The following GFM2 variants were observed in gnomAD, a reference collection of about 807,000 sequenced individuals.
GFM2 encodes the protein GTP dependent ribosome recycling factor mitochondrial 2.
A neutral mutation model predicts 95.4 loss-of-function variants in GFM2; 72 were observed. That is an observed-to-expected ratio of 0.76 (90% CI 0.62 to 0.92). GFM2 has a LOEUF of 0.92. GFM2 is among the 40% of genes least tolerant of loss of function. GFM2 has a pLI of 0.00. For missense variants in GFM2, 825 were observed against 924.1 expected (o/e 0.89, Z 1.39); for synonymous variants, 276 against 317.5 (o/e 0.87, Z 1.39).
chr5:74,748,357 C>T (rs960074762), intron 7 of GFM2, among the ~76,000 whole-genome samples: 1 of 152,106 alleles, frequency 6.6e-6, no homozygotes, highest in Non-Finnish European at 1.5e-5. Flanking sequence ...GTAACTACTA[C>T]CCCACTTAGA....
At position 74,722,545 on chromosome 5, in the gene GFM2, T is replaced by C. The variant is rs770719415; in HGVS notation, c.2045A>G (p.Asp682Gly). 6.2e-7 allele frequency: 1 copy of C among 1,611,770 alleles called. No individual in the cohort carries two copies. Among genetic ancestry groups the C allele is most frequent in the South Asian group, 1.1e-5 (1 of 90,486 alleles). Residue 682 changes from aspartate to glycine, a missense_variant, in exon 20 of 21, where the codon GAT becomes GGT. Coordinates refer to ENST00000296805, the MANE Select transcript of GFM2 (RefSeq NM_032380.5). ...RCVQKALKKA[D>G]KQVLEPLMNL... ...CATCAGAGGCTCCAAAACTTGCTTA[T>C]CAGCTTTCTTCAGAGCCTAAAGAAA...
At chr5:74,744,525 T>A (rs928231341) in intron 10 of GFM2, among the ~76,000 whole-genome samples, 5 of 152,164 alleles carry the variant, frequency 3.3e-5, no homozygotes, top group African/African-American at 1.2e-4. Context: ...TTTATTGCCA[T>A]ATATACTAAC....
In GFM2 at chr5:74,722,564, A is replaced by G; in HGVS notation, c.2029-3T>C. ...TGCTTATCAGCTTTCTTCAGAGCCTAAAGAAATTAAAGAATGTTAACTTAT... is the reference window on the plus strand; with the variant it reads ...TGCTTATCAGCTTTCTTCAGAGCCTGAAGAAATTAAAGAATGTTAACTTAT... On this transcript the variant is annotated splice_region_variant and splice_polypyrimidine_tract_variant and intron_variant, in intron 19 of 20. Coordinates refer to ENST00000296805, the MANE Select transcript of GFM2 (RefSeq NM_032380.5). The G allele has an allele frequency of 4.4e-6, 7 of 1,599,812 alleles. No individual in the cohort carries two copies. The highest frequency in any genetic ancestry group is 6.0e-6 in the Non-Finnish European group (7 of 1,174,060).
intron 17 of GFM2, among the ~76,000 whole-genome samples, chr5:74,728,587 A>G (rs909029910): frequency 6.6e-6 from 1 of 152,034 alleles, no homozygotes; most frequent in Non-Finnish European, 1.5e-5. Flanking sequence ...ATTTCTTCAA[A>G]GATAGTATTT....
Position 74,721,324 on chromosome 5 carries a change from G to A in GFM2, c.*331C>T, listed in dbSNP as rs1365785202. On this transcript the variant is annotated 3_prime_UTR_variant, in exon 21 of 21. Transcript: ENST00000296805. ...TCTATCTTATTACATTTAGAGGCCT[G>A]GCATCTTTCTTGTGAGACAAGCTTA... The A allele has an allele frequency of 1.3e-6, 1 of 784,104 alleles. No homozygotes were observed. The highest frequency in any genetic ancestry group is 1.7e-5 in the African/African-American group (1 of 58,370). The allele number at this position is 784,104 out of a possible 1,614,324, so 48.6% of individuals were successfully genotyped here.
At position 74,740,156 on chromosome 5, in the gene GFM2, A is replaced by G. The variant is rs756675147; in HGVS notation, c.931-19T>C. On this transcript the variant is annotated intron_variant, in intron 11 of 20. Transcript: ENST00000296805. The stretch of plus-strand genomic sequence containing the variant: ...TCTGTAGCTACAGAGCAGAGATACA[A>G]ATGAGCATTTATTTTGTGTACTGGT... 1.3e-6 allele frequency: 2 copies of G among 1,585,892 alleles called. No homozygotes were observed. The highest frequency in any genetic ancestry group is 3.8e-5 in the Admixed American group (2 of 53,086).
Position 74,760,991 on chromosome 5 carries a change from T to C in GFM2, c.64-5A>G. 1 of 1,522,446 alleles carries C rather than the reference T, an allele frequency of 6.6e-7. No homozygotes were observed. The highest frequency in any genetic ancestry group is 1.2e-5 in the South Asian group (1 of 86,094). The allele number at this position is 1,522,446 out of a possible 1,614,324, so 94.3% of individuals were successfully genotyped here. On this transcript the variant is annotated splice_region_variant and splice_polypyrimidine_tract_variant and intron_variant, in intron 2 of 20. Transcript: ENST00000296805. Reference sequence around the variant, plus strand: ...TATTTTATAGCAGCATATATTCTAGTAAAGAGAAAAAGAAACTTGGCATTA... The same window carrying C: ...TATTTTATAGCAGCATATATTCTAGCAAAGAGAAAAAGAAACTTGGCATTA...
At chr5:74,725,821 CA>C (rs1750120269) in intron 18 of GFM2, 66 bp from the exon 19 acceptor site, 2 of 1,452,148 alleles carry the variant, frequency 1.4e-6, no homozygotes, top group African/African-American at 2.8e-5. Context: ...CTGAGAAGTG[CA>C]AAGGAATAGG....
In GFM2 at chr5:74,767,089, TC is replaced by T; in HGVS notation, c.-177del. On this transcript the variant is annotated 5_prime_UTR_variant, in exon 1 of 21. Coordinates refer to ENST00000296805, the MANE Select transcript of GFM2 (RefSeq NM_032380.5). ...CTAAACGAAAAGAAAATAGGCTTTC[TC>T]CGCTCTACCGCCTCGGGCAGCCACA... 1 of 454,304 alleles carries T rather than the reference TC, an allele frequency of 2.2e-6. No individual in the cohort carries two copies. Among genetic ancestry groups the T allele is most frequent in the Non-Finnish European group, 4.0e-6 (1 of 250,202 alleles). 28.1% of individuals were successfully genotyped at this position (454,304 alleles called of 1,614,324 possible). A position where few individuals can be genotyped will look rare whatever the true frequency, so the allele number is the denominator to read the frequency against.
intron 2 of GFM2, among the ~76,000 whole-genome samples, chr5:74,763,212 C>G (rs1445904910): frequency 6.6e-6 from 1 of 152,228 alleles, no homozygotes; most frequent in Non-Finnish European, 1.5e-5. Flanking sequence ...GCCGAAGAAG[C>G]TGGCTTCCAA....
chr5:74,766,331 A>ACAAAAG (rs1744604175), intron 1 of GFM2, among the ~76,000 whole-genome samples: 1 of 152,206 alleles, frequency 6.6e-6, no homozygotes, highest in Non-Finnish European at 1.5e-5. Flanking sequence ...AAAAACAAAA[A>ACAAAAG]CAAAATACTG....
chr5:74,738,543 T>C lies in GFM2; in HGVS notation c.1179A>G (p.Ile393Met). The change falls in exon 13 of 21, where the codon ATA becomes ATG. Residue 393 changes from isoleucine (I) to methionine (M), a missense_variant. Ile to Met is a conservative substitution (Grantham distance 10). Coordinates refer to ENST00000296805, the MANE Select transcript of GFM2 (RefSeq NM_032380.5). ...LVFMRIYSGT[I>M]KPQLAIHNIN... ...TATTATGAATGGCCAACTGGGGTTT[T>C]ATAGTGCCTGAGTAAATGCGCATAA... 6.2e-7 allele frequency: 1 copy of C among 1,613,668 alleles called. No individual in the cohort carries two copies. Among genetic ancestry groups the C allele is most frequent in the Non-Finnish European group, 8.5e-7 (1 of 1,179,734 alleles).
chr5:74,724,314 A>C (rs1479296134), intron 19 of GFM2, among the ~76,000 whole-genome samples: 2 of 152,076 alleles, frequency 1.3e-5, no homozygotes, highest in African/African-American at 4.8e-5. Context: ...TTCAATATTA[A>C]AACCAATTTC....
intron 7 of GFM2, among the ~76,000 whole-genome samples, chr5:74,747,983 G>A (rs546020553): frequency 1.3e-5 from 2 of 152,330 alleles, no homozygotes; most frequent in South Asian, 4.1e-4. Context: ...GTGTGAAGGG[G>A]AGTGTGCTTC....
At chr5:74,744,264 G>T (rs1743267401) in intron 10 of GFM2, among the ~76,000 whole-genome samples, 1 of 151,774 alleles carries the variant, frequency 6.6e-6, no homozygotes, top group African/African-American at 2.4e-5. Flanking sequence ...ACATAGAAAA[G>T]GTACAGGAAA....
chr5:74,749,252 C>T (rs1316493348), intron 7 of GFM2, among the ~76,000 whole-genome samples: 3 of 151,964 alleles, frequency 2.0e-5, no homozygotes, highest in African/African-American at 4.8e-5. Flanking sequence ...TGGGCTCAAG[C>T]GAACCCACCT....
In GFM2 at chr5:74,730,473, T is replaced by A. The variant is rs1002663747; in HGVS notation, c.1588-75A>T. ...TGCAGAATACTATATAAAAGTATGA[T>A]GTTAATACATACTTATTTTTAATTA... is the stretch of plus-strand genomic sequence containing the variant. On this transcript the variant is annotated intron_variant, in intron 16 of 20. Transcript: ENST00000296805. 1.7e-5 allele frequency: 16 copies of A among 921,468 alleles called. No homozygotes were observed. The Admixed American group carries it at 3.0e-4, about 17-fold the overall frequency. The allele number at this position is 921,468 out of a possible 1,614,324, so 57.1% of individuals were successfully genotyped here. A position where few individuals can be genotyped will look rare whatever the true frequency, so the allele number is the denominator to read the frequency against.
intron 11 of GFM2, among the ~76,000 whole-genome samples, chr5:74,740,512 C>A (rs1220981656): frequency 6.6e-6 from 1 of 151,984 alleles, no homozygotes; most frequent in Admixed American, 6.6e-5. Context: ...ATCTGAGTTA[C>A]CATTTCTTCA....
At chr5:74,753,205 C>A (rs546508635) in intron 5 of GFM2, among the ~76,000 whole-genome samples, 2 of 152,220 alleles carry the variant, frequency 1.3e-5, no homozygotes, top group African/African-American at 4.8e-5. Context: ...AAACAGCCAG[C>A]ATAAATAAAC....
Sources: gnomAD v4.1 joint callset for allele counts (sites outside exome capture counted in the v4.1 genomes callset) on GRCh38, gnomAD v4.1.1 for gene constraint, MANE v1.5 for transcripts, NCBI Gene and HGNC (gene_info 2026-07-23, HGNC 2026-07-21) for gene names.